CHD1L: variants seen among roughly 807,000 people sequenced by gnomAD.
The protein encoded by CHD1L is ATP-dependent chromatin remodeler CHD1L.
Under a neutral mutation model 115.9 loss-of-function variants are expected in CHD1L, and 118 were observed. The observed-to-expected ratio is 1.02, with a 90% CI of 0.88 to 1.19. The LOEUF (loss-of-function observed/expected upper bound fraction) is 1.19, where lower values mean the gene tolerates loss of function less well. Ranked by LOEUF, CHD1L falls within the 50% of genes most tolerant of loss-of-function variation. The probability of loss-of-function intolerance (pLI) is 0.00; values close to 1 mark genes in which losing one functional copy is unlikely to be tolerated. For missense variants in CHD1L, 1,179 were observed against 1,065.3 expected, an observed-to-expected ratio of 1.11 and a Z score of -1.49; for synonymous variants, 411 against 387.1, an observed-to-expected ratio of 1.06 and a Z score of -0.72.
At chr1:147,187,988 G>C in the CHD1L span, among the ~76,000 whole-genome samples, 2 of 152,034 alleles carry the variant, frequency 1.3e-5, no homozygotes, top group African/African-American at 4.8e-5. Context: ...TGAGATTGAA[G>C]AATCCAAGAA....
chr1:147,288,655 T>G (rs1684342246), intron 19 of CHD1L, among the ~76,000 whole-genome samples: 1 of 152,272 alleles, frequency 6.6e-6, no homozygotes, highest in African/African-American at 2.4e-5. Context: ...CACTTCAGCC[T>G]GGGTGACTGA....
chr1:147,259,952 A>T (rs371057394), intron 6 of CHD1L, 34 bp downstream of exon 6: 1 of 1,469,916 alleles, frequency 6.8e-7, no homozygotes, highest in Non-Finnish European at 9.4e-7. Context: ...TTTTTATATA[A>T]CCCCTTCTTT....
upstream of CHD1L, among the ~76,000 whole-genome samples, chr1:147,237,754 G>A (rs915987378): frequency 2.0e-5 from 3 of 152,190 alleles, no homozygotes; most frequent in Admixed American, 6.5e-5. Flanking sequence ...TTGCATAAAC[G>A]TTACACTGCT....
At chr1:147,277,813 T>C (rs1217341710) in intron 14 of CHD1L, among the ~76,000 whole-genome samples, 2 of 152,154 alleles carry the variant, frequency 1.3e-5, no homozygotes, top group African/African-American at 4.8e-5. Flanking sequence ...CTGCTGGGCA[T>C]AGTGAAGGGG....
intron 11 of CHD1L, 54 bp from the exon 12 acceptor site, chr1:147,272,117 C>A: frequency 6.7e-7 from 1 of 1,482,816 alleles, no homozygotes; most frequent in Non-Finnish European, 9.3e-7. Flanking sequence ...TTTTTATTCC[C>A]CAAAGACTAC....
chr1:147,174,089 A>C, the CHD1L span, among the ~76,000 whole-genome samples: 2 of 152,174 alleles, frequency 1.3e-5, no homozygotes, highest in South Asian at 4.1e-4. Flanking sequence ...ACTTAAGTAC[A>C]ACAAATTCAC....
At chr1:147,262,717 A>G (rs1290391785) in intron 6 of CHD1L, among the ~76,000 whole-genome samples, 1 of 82,814 alleles carries the variant, frequency 1.2e-5, no homozygotes, top group Non-Finnish European at 2.4e-5. Flanking sequence ...GAAACAAATA[A>G]AAAAGGGAGA....
In CHD1L at chr1:147,242,698, G is replaced by A. The variant is rs782612066; in HGVS notation, c.-6G>A. 7.9e-6 allele frequency: 10 copies of A among 1,262,346 alleles called. No homozygotes were observed. In the African/African-American group the frequency reaches 1.4e-4, roughly 17 times the overall value. 78.2% of individuals were successfully genotyped at this position (1,262,346 alleles called of 1,614,324 possible). A position where few individuals can be genotyped will look rare whatever the true frequency, so the allele number is the denominator to read the frequency against. On this transcript the variant is annotated 5_prime_UTR_variant, in exon 1 of 23. Coordinates refer to ENST00000369258, the MANE Select transcript of CHD1L (RefSeq NM_004284.6). The stretch of plus-strand genomic sequence containing the variant: ...GGCCGCGCGGGGCGGGGCCTCTACC[G>A]GCCCGATGGAGCGCGCGGGCGCTAC...
chr1:147,220,864 C>T, the CHD1L span, among the ~76,000 whole-genome samples: 1 of 149,870 alleles, frequency 6.7e-6, no homozygotes, highest in African/African-American at 2.5e-5. Context: ...AACAAACTTA[C>T]ACTTCAACAA....
At chr1:147,234,613 T>A in the CHD1L span, among the ~76,000 whole-genome samples, 2 of 152,244 alleles carry the variant, frequency 1.3e-5, no homozygotes, top group African/African-American at 2.4e-5. Flanking sequence ...TATTTTGTTT[T>A]CTAACTTAAA....
chr1:147,190,216 A>G, the CHD1L span: 11 of 1,611,926 alleles, frequency 6.8e-6, no homozygotes, highest in Non-Finnish European at 8.5e-6. Context: ...TATTTCTGCC[A>G]TCATTTCACT....
chr1:147,232,307 T>C, the CHD1L span, among the ~76,000 whole-genome samples: 3 of 152,218 alleles, frequency 2.0e-5, no homozygotes, highest in Non-Finnish European at 4.4e-5. Flanking sequence ...GGGAAAAAGC[T>C]GAGTGTTGGG....
chr1:147,178,584 A>G, the CHD1L span: 1 of 1,607,248 alleles, frequency 6.2e-7, no homozygotes, highest in Non-Finnish European at 8.5e-7. Context: ...CCTCTATAGT[A>G]GGTTTTTTCG....
At chr1:147,178,358 A>G in the CHD1L span, 1 of 1,612,346 alleles carries the variant, frequency 6.2e-7, no homozygotes, top group Non-Finnish European at 8.5e-7. Flanking sequence ...CCATTAGCAA[A>G]GGCTGATTGC....
chr1:147,292,833 A>G (rs1277854119), intron 20 of CHD1L, among the ~76,000 whole-genome samples: 1 of 152,114 alleles, frequency 6.6e-6, no homozygotes, highest in African/African-American at 2.4e-5. Context: ...TGAGGGATCC[A>G]CCCCATGATC....
intron 1 of CHD1L, among the ~76,000 whole-genome samples, chr1:147,245,290 A>C (rs1368112730): frequency 6.6e-6 from 1 of 152,188 alleles, no homozygotes; most frequent in African/African-American, 2.4e-5. Context: ...GGGGAAGGAC[A>C]CAGAGGGGTT....
At chr1:147,275,767 G>A (rs1678157736) in intron 13 of CHD1L, among the ~76,000 whole-genome samples, 1 of 134,460 alleles carries the variant, frequency 7.4e-6, no homozygotes, top group Admixed American at 8.0e-5. Context: ...GGGTTATGGG[G>A]CTATGGAGCT....
At chr1:147,245,595 C>T (rs1365472035) in intron 1 of CHD1L, among the ~76,000 whole-genome samples, 1 of 152,162 alleles carries the variant, frequency 6.6e-6, no homozygotes. Context: ...TCCTTTCTGC[C>T]TAACCTACCA....
chr1:147,241,395 A>G (rs1553930925), upstream of CHD1L, among the ~76,000 whole-genome samples: 6 of 151,966 alleles, frequency 3.9e-5, no homozygotes, highest in East Asian at 9.7e-4. Context: ...GCACCTTGTG[A>G]CCTCTCACTC....
Sources: gnomAD v4.1 joint callset for allele counts (sites outside exome capture counted in the v4.1 genomes callset) on GRCh38, gnomAD v4.1.1 for gene constraint, MANE v1.5 for transcripts, NCBI Gene and HGNC (gene_info 2026-07-23, HGNC 2026-07-21) for gene names.